The following TYW1 variants were observed in gnomAD, a reference collection of about 807,000 sequenced individuals.
TYW1 encodes the protein S-adenosyl-L-methionine-dependent tRNA 4-demethylwyosine synthase TYW1.
In TYW1, 46 loss-of-function variants were observed where a neutral mutation model predicts 96.2. The ratio of observed to expected loss-of-function variants is 0.48; its 90% CI spans 0.38 to 0.61. The LOEUF is 0.61. TYW1 is among the 20% of genes least tolerant of loss of function. The pLI, the probability that TYW1 is intolerant of heterozygous loss-of-function variation, is 0.00. For synonymous variants in TYW1, 274 were observed against 323.0 expected, an observed-to-expected ratio of 0.85 and a Z score of 1.63; for missense variants, 684 against 909.6, an observed-to-expected ratio of 0.75 and a Z score of 3.19.
chr7:67,012,160 T>C (rs980858660), intron 4 of TYW1, among the ~76,000 whole-genome samples: 1 of 152,046 alleles, frequency 6.6e-6, no homozygotes, highest in Admixed American at 6.6e-5. Flanking sequence ...AAGAACAGCC[T>C]GGGCAACATG....
chr7:67,138,835 C>G (rs1463756663), intron 13 of TYW1, among the ~76,000 whole-genome samples: 2 of 151,864 alleles, frequency 1.3e-5, no homozygotes, highest in Non-Finnish European at 2.9e-5. Flanking sequence ...GAATAGTACT[C>G]CATTATATAT....
At chr7:67,113,709 G>A (rs1236889929) in intron 12 of TYW1, among the ~76,000 whole-genome samples, 2 of 150,844 alleles carry the variant, frequency 1.3e-5, no homozygotes, top group Non-Finnish European at 2.9e-5. Flanking sequence ...CGCAATCTTG[G>A]CTCATGCAGC....
chr7:67,120,352 G>C (rs1175054523), intron 13 of TYW1, among the ~76,000 whole-genome samples: 2 of 152,094 alleles, frequency 1.3e-5, no homozygotes, highest in African/African-American at 4.8e-5. Context: ...GAAAGTGCTG[G>C]GATTACAGGT....
chr7:67,199,487 T>TC (rs1307378576), intron 15 of TYW1, among the ~76,000 whole-genome samples: 1 of 152,186 alleles, frequency 6.6e-6, no homozygotes, highest in Non-Finnish European at 1.5e-5. Flanking sequence ...TACCAAAATT[T>TC]CCCCATTGAC....
chr7:67,123,199 T>C (rs1797813468), intron 13 of TYW1, among the ~76,000 whole-genome samples: 1 of 152,164 alleles, frequency 6.6e-6, no homozygotes, highest in Non-Finnish European at 1.5e-5. Flanking sequence ...TCTGGACATC[T>C]GTTTCCTACC....
intron 13 of TYW1, among the ~76,000 whole-genome samples, chr7:67,153,501 T>A (rs1798867817): frequency 6.6e-6 from 1 of 152,232 alleles, no homozygotes; most frequent in Non-Finnish European, 1.5e-5. Flanking sequence ...TATATGTAGA[T>A]GTATATTTGT....
chr7:67,167,325 C>T (rs917512265), intron 13 of TYW1, among the ~76,000 whole-genome samples: 11 of 151,888 alleles, frequency 7.2e-5, no homozygotes, highest in Admixed American at 2.0e-4. Context: ...AAAAATTAGC[C>T]GGGCCTGGTG....
intron 15 of TYW1, among the ~76,000 whole-genome samples, chr7:67,218,246 T>C (rs1025801875): frequency 3.3e-5 from 5 of 152,194 alleles, no homozygotes; most frequent in African/African-American, 1.2e-4. Context: ...TTCAGTAATA[T>C]TTTATACTTT....
chr7:67,063,817 T>C (rs62466639), intron 9 of TYW1, among the ~76,000 whole-genome samples: 6,082 of 152,086 alleles, frequency 0.04, 178 homozygotes, highest in Middle Eastern at 0.1. Context: ...TTAGCCAGGA[T>C]GGTCTTGATC....
chr7:67,119,316 T>C (rs945222127), intron 13 of TYW1, among the ~76,000 whole-genome samples: 1 of 152,112 alleles, frequency 6.6e-6, no homozygotes, highest in Admixed American at 6.6e-5. Flanking sequence ...TGGGAGTCAC[T>C]GTCCCAGAAA....
At chr7:67,132,638 C>T (rs1035017650) in intron 13 of TYW1, among the ~76,000 whole-genome samples, 3 of 151,088 alleles carry the variant, frequency 2.0e-5, no homozygotes, top group African/African-American at 7.4e-5. Flanking sequence ...ACTATTACCA[C>T]CATCCATCTC....
intron 1 of TYW1, among the ~76,000 whole-genome samples, 181 bp downstream of exon 1, chr7:66,997,163 T>G (rs1444557737): frequency 6.6e-6 from 1 of 152,258 alleles, no homozygotes; most frequent in Admixed American, 6.5e-5. Context: ...ACCTGGCTTT[T>G]GCCTTTTGAG....
chr7:67,016,425 T>C (rs1431045920), intron 5 of TYW1, among the ~76,000 whole-genome samples: 1 of 151,862 alleles, frequency 6.6e-6, no homozygotes, highest in East Asian at 2.0e-4. Flanking sequence ...TGCATGCCTG[T>C]AGTCCCAACT....
At chr7:67,162,814 G>A (rs183581596) in intron 13 of TYW1, among the ~76,000 whole-genome samples, 1 of 152,214 alleles carries the variant, frequency 6.6e-6, no homozygotes, top group Non-Finnish European at 1.5e-5. Context: ...TTATGACATT[G>A]TTTCTCTTAT....
At chr7:67,079,095 C>T (rs1198605677) in intron 10 of TYW1, among the ~76,000 whole-genome samples, 1 of 151,900 alleles carries the variant, frequency 6.6e-6, no homozygotes, top group East Asian at 1.9e-4. Context: ...TAATACTGGC[C>T]TCGTATAATA....
chr7:67,091,456 C>T lies in TYW1; in HGVS notation c.1385-7085C>T, dbSNP rs573590361. Among the ~76,000 whole-genome samples the T allele has an allele frequency of 9.9e-5, 15 of 152,006 alleles. 1 individual carries two copies. The South Asian group carries it at 1.9e-3, about 19-fold the overall frequency. Reference sequence around the variant, plus strand: ...GGAGGGATAGCATTAGGAGATACACCTAATGTAAATGACGAGTTAACGGGT... The same window carrying T: ...GGAGGGATAGCATTAGGAGATACACTTAATGTAAATGACGAGTTAACGGGT... On this transcript the variant is annotated intron_variant, in intron 11 of 15. Coordinates refer to ENST00000359626, the MANE Select transcript of TYW1 (RefSeq NM_018264.4).
intron 5 of TYW1, among the ~76,000 whole-genome samples, chr7:67,016,949 A>G (rs1039791041): frequency 1.3e-5 from 2 of 150,598 alleles, no homozygotes; most frequent in African/African-American, 4.9e-5. Context: ...CAAATAAATT[A>G]GACTATGATT....
chr7:67,103,251 A>G (rs13229933), intron 12 of TYW1, among the ~76,000 whole-genome samples: 2 of 152,218 alleles, frequency 1.3e-5, no homozygotes, highest in Admixed American at 6.6e-5. Context: ...TGAGGACATA[A>G]TCTTTCAGTT....
intron 7 of TYW1, among the ~76,000 whole-genome samples, chr7:67,032,619 C>G (rs1297551527): frequency 6.6e-6 from 1 of 152,008 alleles, no homozygotes; most frequent in East Asian, 1.9e-4. Flanking sequence ...TAGACCCTGT[C>G]TCAAAGAAAA....
Sources: allele counts gnomAD v4.1 joint callset (sites outside exome capture counted in the v4.1 genomes callset), GRCh38; gene constraint gnomAD v4.1.1; transcripts MANE v1.5; gene names NCBI Gene and HGNC (gene_info 2026-07-23, HGNC 2026-07-21).